Variants in GREB1L observed in about 807,000 individuals in gnomAD.
GREB1L encodes the protein GREB1-like protein.
GREB1L carries 17 observed loss-of-function variants against 200.8 expected under a neutral mutation model. The ratio of observed to expected loss-of-function variants is 0.08; its 90% CI spans 0.06 to 0.13. The LOEUF (loss-of-function observed/expected upper bound fraction) is 0.13. GREB1L is among the 10% of genes least tolerant of loss of function. GREB1L has a pLI of 1.00. For synonymous variants in GREB1L, 789 were observed against 893.0 expected (o/e 0.88, Z 2.08); for missense variants, 1,657 against 2,367.7 (o/e 0.70, Z 6.23).
intron 1 of GREB1L, among the ~76,000 whole-genome samples, chr18:21,276,023 C>T (rs9961933): frequency 0.17 from 26,267 of 152,108 alleles, 5,194 homozygotes; most frequent in African/African-American, 0.48. Context: ...TTGGTGGTTC[C>T]GTTTAGCTTC....
chr18:21,329,314 G>C (rs1263362059), intron 1 of GREB1L, among the ~76,000 whole-genome samples: 4 of 130,556 alleles, frequency 3.1e-5, no homozygotes, highest in African/African-American at 1.3e-4. Flanking sequence ...GACAGAGTGA[G>C]ACTCTGTCTA....
chr18:21,273,958 AT>A (rs1470070487), intron 1 of GREB1L, among the ~76,000 whole-genome samples: 1 of 152,250 alleles, frequency 6.6e-6, no homozygotes, highest in East Asian at 1.9e-4. Context: ...TATAATAAAC[AT>A]TTTAGCCATC....
At chr18:21,248,656 A>C (rs146678541) in intron 1 of GREB1L, among the ~76,000 whole-genome samples, 2 of 152,232 alleles carry the variant, frequency 1.3e-5, no homozygotes, top group Non-Finnish European at 2.9e-5. Flanking sequence ...AATGATTACA[A>C]CTTTTCTGGG....
chr18:21,439,372 G>A (rs2033761315), intron 7 of GREB1L, 149 bp from the exon 8 acceptor site: 4 of 511,452 alleles, frequency 7.8e-6, no homozygotes, highest in East Asian at 3.1e-5. Context: ...TCTGACAGTT[G>A]CAGTTGGTTT....
At chr18:21,361,746 ATCAG>A (rs2039583864) in intron 1 of GREB1L, among the ~76,000 whole-genome samples, 1 of 150,908 alleles carries the variant, frequency 6.6e-6, no homozygotes, top group Non-Finnish European at 1.5e-5. Flanking sequence ...TTTGTTTTTG[ATCAG>A]TCAGACAATA....
chr18:21,505,692 T>G, intron 24 of GREB1L, 118 bp from the exon 25 acceptor site: 1 of 1,411,150 alleles, frequency 7.1e-7, no homozygotes, highest in Non-Finnish European at 9.6e-7. Context: ...AACTGTTTCT[T>G]AGGGCATAAA....
At chr18:21,467,941 C>T (rs543050691) in intron 15 of GREB1L, among the ~76,000 whole-genome samples, 68 of 150,562 alleles carry the variant, frequency 4.5e-4, no homozygotes, top group Admixed American at 6.7e-4. Flanking sequence ...AGGAGAATGG[C>T]ATGAACCCGG....
chr18:21,382,512 A>G (rs1341472051), intron 2 of GREB1L, among the ~76,000 whole-genome samples: 9 of 143,276 alleles, frequency 6.3e-5, no homozygotes, highest in Non-Finnish European at 1.1e-4. Flanking sequence ...TTTTTTTGAG[A>G]CAGAGTTTTG....
chr18:21,500,429 A>G, intron 22 of GREB1L, 111 bp from the exon 23 acceptor site: 1 of 868,488 alleles, frequency 1.2e-6, no homozygotes, highest in Non-Finnish European at 1.9e-6. Context: ...GACCTCATTC[A>G]GGCCTCTCAG....
chr18:21,421,300 T>A (rs923829162), intron 7 of GREB1L, among the ~76,000 whole-genome samples: 1 of 152,208 alleles, frequency 6.6e-6, no homozygotes, highest in African/African-American at 2.4e-5. Flanking sequence ...ATTTTTAAAA[T>A]CAACAGCATA....
At position 21,441,377 on chromosome 18, in the gene GREB1L, TTGTCAAA is replaced by T. The variant is rs1286320798; in HGVS notation, c.1070-22_1070-16del. 1 of 1,514,702 alleles carries T rather than the reference TTGTCAAA, an allele frequency of 6.6e-7. No homozygotes were observed. Among genetic ancestry groups the T allele is most frequent in the African/African-American group, 1.4e-5 (1 of 70,734 alleles). 93.8% of individuals were successfully genotyped at this position (1,514,702 alleles called of 1,614,324 possible). Reference sequence around the variant, plus strand: ...TCATTTAGTTTTCACGCCATCTTTCTTGTCAAACTTTTTTTTTTCCAGAGCCCCTTTT... The same window carrying T: ...TCATTTAGTTTTCACGCCATCTTTCTCTTTTTTTTTTCCAGAGCCCCTTTT... On this transcript the variant is annotated splice_polypyrimidine_tract_variant and intron_variant, in intron 9 of 32. Transcript: ENST00000424526.
chr18:21,409,636 T>C (rs1294733045), intron 7 of GREB1L, among the ~76,000 whole-genome samples: 4 of 152,226 alleles, frequency 2.6e-5, no homozygotes, highest in Non-Finnish European at 5.9e-5. Flanking sequence ...ATCTAATTTA[T>C]TGAATATCTA....
chr18:21,338,299 C>G (rs1415261197), intron 1 of GREB1L, among the ~76,000 whole-genome samples: 1 of 152,200 alleles, frequency 6.6e-6, no homozygotes, highest in Non-Finnish European at 1.5e-5. Flanking sequence ...CTGATGCAGT[C>G]CTTGAGCTAG....
chr18:21,394,327 G>A (rs1041341491), intron 4 of GREB1L, among the ~76,000 whole-genome samples: 1 of 152,186 alleles, frequency 6.6e-6, no homozygotes, highest in Admixed American at 6.5e-5. Flanking sequence ...GAGTACAGAC[G>A]GAATCATTCC....
intron 15 of GREB1L, among the ~76,000 whole-genome samples, chr18:21,461,437 G>A (rs1403126006): frequency 6.6e-6 from 1 of 152,042 alleles, no homozygotes; most frequent in African/African-American, 2.4e-5. Flanking sequence ...AACCAAGAGG[G>A]CTGTCCATCC....
At chr18:21,272,733 C>CA (rs2038098260) in intron 1 of GREB1L, among the ~76,000 whole-genome samples, 1 of 152,136 alleles carries the variant, frequency 6.6e-6, no homozygotes, top group African/African-American at 2.4e-5. Context: ...GCTCAAAACT[C>CA]AGAGGGTGAA....
Position 21,516,657 on chromosome 18 carries a change from G to A in GREB1L, c.5174G>A (p.Ser1725Asn). 1 of 1,551,496 alleles carries A rather than the reference G, an allele frequency of 6.4e-7. No individual in the cohort carries two copies. Among genetic ancestry groups the A allele is most frequent in the Non-Finnish European group, 8.7e-7 (1 of 1,146,832 alleles). The change falls in exon 30 of 33, where the codon AGT (serine) becomes AAT (asparagine). Residue 1725 changes from serine (S) to asparagine (N), a missense_variant. By Grantham distance (46) the Ser-to-Asn change is conservative. Around this residue, in one of 9 missense-constraint regions of GREB1L, gnomAD observed 151 missense variants for 309.6 expected, o/e 0.49. Transcript: ENST00000424526. ...DADFNLRTNS[S>N]GLLICRFNNF... ...GACTTTAATCTGAGAACAAACAGTAGTGGCCTGCTCATCTGCCGCTTTAAT... is the reference window on the plus strand; with the variant it reads ...GACTTTAATCTGAGAACAAACAGTAATGGCCTGCTCATCTGCCGCTTTAAT...
Position 21,490,363 on chromosome 18 carries a change from A to G in GREB1L, c.3030+12A>G, listed in dbSNP as rs745567275. ...TGGCGCGATTAAAGGTTAGCAATGG[A>G]CAGACATTTCTCCTTTAAAATACCA... On this transcript the variant is annotated intron_variant, in intron 19 of 32. Transcript: ENST00000424526. 27 of 1,542,234 alleles carry G rather than the reference A, an allele frequency of 1.8e-5. 1 individual carries two copies. In the South Asian group the frequency reaches 2.8e-4, roughly 16 times the overall value.
At chr18:21,464,460 C>G (rs2035184997) in intron 15 of GREB1L, among the ~76,000 whole-genome samples, 1 of 149,224 alleles carries the variant, frequency 6.7e-6, no homozygotes, top group Admixed American at 6.8e-5. Flanking sequence ...AGGAGAATCA[C>G]TTGAATCCAA....
Sources: allele counts gnomAD v4.1 joint callset (sites outside exome capture counted in the v4.1 genomes callset), GRCh38; gene constraint gnomAD v4.1.1; regional missense constraint gnomAD v4.1.1; transcripts MANE v1.5; gene names NCBI Gene and HGNC (gene_info 2026-07-23, HGNC 2026-07-21).